Variants in CALN1 observed in about 807,000 individuals in gnomAD.
CALN1 encodes the protein calneuron 1.
In CALN1, 17 loss-of-function variants were observed where a neutral mutation model predicts 30.6. The ratio of observed to expected loss-of-function variants is 0.56; its 90% CI spans 0.38 to 0.83. The LOEUF (loss-of-function observed/expected upper bound fraction) is 0.83, where lower values mean the gene tolerates loss of function less well. Ranked by LOEUF, CALN1 falls within the 40% of genes least tolerant of loss-of-function variation. The probability of loss-of-function intolerance (pLI) is 0.00; values close to 1 mark genes in which losing one functional copy is unlikely to be tolerated. For synonymous variants in CALN1, 156 were observed against 131.4 expected (o/e 1.19, Z -1.28); for missense variants, 291 against 354.9 (o/e 0.82, Z 1.45).
intron 5 of CALN1, among the ~76,000 whole-genome samples, chr7:71,916,368 T>C (rs1220931572): frequency 6.6e-6 from 1 of 151,754 alleles, no homozygotes; most frequent in African/African-American, 2.4e-5. Context: ...TTGATACAAA[T>C]GTGATTTTTT....
chr7:72,397,714 TCACACACACACACACA>T (rs3138810), intron 2 of CALN1, among the ~76,000 whole-genome samples: 3 of 142,912 alleles, frequency 2.1e-5, no homozygotes, highest in South Asian at 4.7e-4. Flanking sequence ...CCATTCTCTC[TCACACACACACACACA>T]CACACACACA....
intron 2 of CALN1, among the ~76,000 whole-genome samples, chr7:72,394,615 T>C (rs545924711): frequency 6.6e-6 from 1 of 151,920 alleles, no homozygotes; most frequent in Admixed American, 6.5e-5. Context: ...GATGTATATA[T>C]GCTTATTTAA....
intron 6 of CALN1, among the ~76,000 whole-genome samples, chr7:71,800,995 G>A (rs1048197063): frequency 6.6e-6 from 1 of 152,030 alleles, no homozygotes; most frequent in Non-Finnish European, 1.5e-5. Context: ...CCCGGTGTGT[G>A]ATGTTCCCCT....
intron 5 of CALN1, among the ~76,000 whole-genome samples, chr7:72,017,565 G>A (rs1388769579): frequency 2.0e-5 from 3 of 152,136 alleles, no homozygotes; most frequent in Non-Finnish European, 4.4e-5. Flanking sequence ...CCTGGACTTC[G>A]TGTGTGCTCG....
chr7:72,416,491 T>G (rs1481018767), upstream of CALN1, among the ~76,000 whole-genome samples: 1 of 152,180 alleles, frequency 6.6e-6, no homozygotes. Context: ...CCCAGCGCTT[T>G]GCGAGGCTGA....
At chr7:72,297,058 G>C (rs905848198) in intron 2 of CALN1, among the ~76,000 whole-genome samples, 17 of 151,968 alleles carry the variant, frequency 1.1e-4, no homozygotes, top group African/African-American at 4.1e-4. Flanking sequence ...TCTCTTGTGG[G>C]CATTTAGTGC....
the CALN1 span, among the ~76,000 whole-genome samples, chr7:72,473,846 T>G: frequency 2.0e-5 from 3 of 151,428 alleles, no homozygotes; most frequent in African/African-American, 7.3e-5. Context: ...GGAGAATCGC[T>G]TGAACCCAGA....
chr7:72,380,671 A>G (rs548665427), intron 2 of CALN1, among the ~76,000 whole-genome samples: 1 of 151,488 alleles, frequency 6.6e-6, no homozygotes, highest in East Asian at 1.9e-4. Flanking sequence ...GGGTTGGTGG[A>G]TGGATGGATG....
chr7:71,887,362 C>A (rs539236224), intron 5 of CALN1, among the ~76,000 whole-genome samples: 1 of 152,312 alleles, frequency 6.6e-6, no homozygotes, highest in African/African-American at 2.4e-5. Context: ...ATGGTACAAT[C>A]TCGGCTTACC....
At chr7:72,045,819 G>A (rs1385585556) in intron 4 of CALN1, among the ~76,000 whole-genome samples, 3 of 151,924 alleles carry the variant, frequency 2.0e-5, no homozygotes, top group Non-Finnish European at 4.4e-5. Context: ...GGCCAACATG[G>A]TGAAACCCTG....
intron 6 of CALN1, among the ~76,000 whole-genome samples, chr7:71,803,162 A>G (rs1787406061): frequency 6.6e-6 from 1 of 152,212 alleles, no homozygotes. Context: ...GGGGACATAT[A>G]AAGTTCTAAT....
At chr7:72,365,587 T>A (rs1395303959) in intron 2 of CALN1, among the ~76,000 whole-genome samples, 1 of 152,008 alleles carries the variant, frequency 6.6e-6, no homozygotes, top group Non-Finnish European at 1.5e-5. Flanking sequence ...ATGCCACCAC[T>A]CCCTGCAAAT....
intron 5 of CALN1, among the ~76,000 whole-genome samples, chr7:72,001,081 G>A (rs1799504723): frequency 6.6e-6 from 1 of 152,088 alleles, no homozygotes; most frequent in Non-Finnish European, 1.5e-5. Context: ...TCATGTATAT[G>A]CACTAAATAA....
In CALN1 at chr7:71,806,306, C is replaced by CTTTT. The variant is rs774646277; in HGVS notation, c.658+4026_658+4029dup. ...CACACATGATTATAGTTTCCCCCTC[C>CTTTT]TTTTTTTTTTTTTTTTGAGATGGAG... On this transcript the variant is annotated intron_variant, in intron 6 of 6. Transcript: ENST00000395275. Among the ~76,000 whole-genome samples, 1,152 of 136,642 alleles carry CTTTT rather than the reference C, an allele frequency of 8.4e-3. 24 individuals carry two copies. Among genetic ancestry groups the CTTTT allele is most frequent in the African/African-American group, 0.03 (1,051 of 35,400 alleles). 89.6% of individuals were successfully genotyped at this position (136,642 alleles called of 152,430 possible).
At chr7:72,016,990 T>TAAAAAAAAAA (rs1562979384) in intron 5 of CALN1, among the ~76,000 whole-genome samples, 1 of 41,662 alleles carries the variant, frequency 2.4e-5, no homozygotes, top group East Asian at 8.2e-4. Context: ...CCGTGTTTAC[T>TAAAAAAAAAA]AAAAATACAA....
chr7:71,851,451 G>A (rs924293064), intron 5 of CALN1, among the ~76,000 whole-genome samples: 3 of 151,636 alleles, frequency 2.0e-5, no homozygotes, highest in Non-Finnish European at 4.4e-5. Flanking sequence ...TCTAGGAGGC[G>A]GAGGTTGCAG....
At chr7:72,082,559 A>G (rs1239023528) in intron 4 of CALN1, among the ~76,000 whole-genome samples, 3 of 152,226 alleles carry the variant, frequency 2.0e-5, no homozygotes, top group Non-Finnish European at 4.4e-5. Flanking sequence ...GGAACTGGAC[A>G]GAAAAAGACA....
chr7:72,095,324 T>C (rs1806146656), intron 4 of CALN1, among the ~76,000 whole-genome samples: 1 of 152,042 alleles, frequency 6.6e-6, no homozygotes, highest in Admixed American at 6.6e-5. Context: ...TTATCCAGGG[T>C]TATTATTGGG....
chr7:71,810,328 G>C lies in CALN1; in HGVS notation c.658+8C>G. 6.2e-7 allele frequency: 1 copy of C among 1,613,010 alleles called. No homozygotes were observed. Among genetic ancestry groups the C allele is most frequent in the Non-Finnish European group, 8.5e-7 (1 of 1,179,482 alleles). On this transcript the variant is annotated splice_region_variant and intron_variant, in intron 6 of 6. Coordinates refer to ENST00000395275, the MANE Select transcript of CALN1 (RefSeq NM_031468.4). ...GACCGGGGAGGGGATGGCAGCAGGG[G>C]CACCTACCTCCTTCAAACTCTGTTT...
Sources: gnomAD v4.1 joint callset for allele counts (sites outside exome capture counted in the v4.1 genomes callset) on GRCh38, gnomAD v4.1.1 for gene constraint, MANE v1.5 for transcripts, NCBI Gene and HGNC (gene_info 2026-07-23, HGNC 2026-07-21) for gene names.